Variants in PRMT7 observed in about 807,000 individuals in gnomAD.
The protein encoded by PRMT7 is protein arginine methyltransferase 7.
Under a neutral mutation model 85.4 loss-of-function variants are expected in PRMT7, and 75 were observed. That is an observed-to-expected ratio of 0.88 (90% CI 0.73 to 1.06). PRMT7 has a LOEUF of 1.06. Ranked by LOEUF, PRMT7 falls within the 50% of genes least tolerant of loss-of-function variation. The probability of loss-of-function intolerance (pLI) is 0.00; values close to 1 mark genes in which losing one functional copy is unlikely to be tolerated. For synonymous variants in PRMT7, 397 were observed against 359.5 expected, an observed-to-expected ratio of 1.10 and a Z score of -1.18; for missense variants, 868 against 915.2, an observed-to-expected ratio of 0.95 and a Z score of 0.67.
intron 11 of PRMT7, 80 bp from the exon 12 acceptor site, chr16:68,347,131 A>C: frequency 1.5e-6 from 2 of 1,312,906 alleles, no homozygotes; most frequent in Non-Finnish European, 2.1e-6. Flanking sequence ...TGAGAAGGGA[A>C]GTATTTCTGA....
downstream of PRMT7, chr16:68,360,516 C>G (rs1008650168): frequency 2.0e-5 from 3 of 152,682 alleles, no homozygotes; most frequent in Non-Finnish European, 4.4e-5. Flanking sequence ...GAGTGACTTA[C>G]AGACCCTGTG....
chr16:68,316,437 G>T (rs987639288), intron 3 of PRMT7, among the ~76,000 whole-genome samples: 11 of 149,708 alleles, frequency 7.3e-5, no homozygotes, highest in African/African-American at 1.7e-4. Flanking sequence ...AATGAAAATG[G>T]TTTTTTTTTT....
At position 68,357,287 on chromosome 16, in the gene PRMT7, G is replaced by C. The variant is rs1049979986; in HGVS notation, c.*63G>C. On this transcript the variant is annotated 3_prime_UTR_variant, in exon 19 of 19. Coordinates refer to ENST00000441236, the MANE Select transcript of PRMT7 (RefSeq NM_019023.5). ...TCTGAGTGGCTCATGGCTTTCTAGC[G>C]GGGAAGGCTGAAGGCCCTCCTCTCC... 6 of 1,498,454 alleles carry C rather than the reference G, an allele frequency of 4.0e-6. No homozygotes were observed. In the East Asian group the frequency reaches 1.4e-4, roughly 35 times the overall value. The allele number at this position is 1,498,454 out of a possible 1,614,324, so 92.8% of individuals were successfully genotyped here.
At position 68,324,699 on chromosome 16, in the gene PRMT7, A is replaced by G. The variant is rs1173466720; in HGVS notation, c.149A>G (p.Gln50Arg). ...CTTCCTTAGAATGTAAAATACTACC[A>G]AGGTATCCGGGCTGCCGTGAGCAGG... The part of the protein sequence containing the change: ...HDKDRNVKYY[Q>R]GIRAAVSRVK... The change falls in exon 5 of 19, where the codon CAA becomes CGA. Residue 50 changes from glutamine to arginine, a missense_variant. By Grantham distance (43) the Gln-to-Arg change is conservative. Transcript: ENST00000441236. 4 of 1,614,234 alleles carry G rather than the reference A, an allele frequency of 2.5e-6. No individual in the cohort carries two copies. The Admixed American group carries it at 5.0e-5, about 20-fold the overall frequency.
chr16:68,340,033 T>G (rs2151740443), intron 9 of PRMT7, 65 bp downstream of exon 9: 1 of 1,460,374 alleles, frequency 6.8e-7, no homozygotes, highest in South Asian at 1.3e-5. Flanking sequence ...CATGGGAAAG[T>G]AACAGTTGAG....
At chr16:68,314,094 A>T (rs1055836051) in intron 2 of PRMT7, among the ~76,000 whole-genome samples, 1 of 152,212 alleles carries the variant, frequency 6.6e-6, no homozygotes, top group Non-Finnish European at 1.5e-5. Flanking sequence ...GGTTATCAGA[A>T]AGTTTGAAAA....
At chr16:68,348,309 T>C in intron 13 of PRMT7, 33 bp from the exon 14 acceptor site, 1 of 1,496,210 alleles carries the variant, frequency 6.7e-7, no homozygotes, top group Non-Finnish European at 9.3e-7. Flanking sequence ...TACTTTAGTA[T>C]GAATACAGTA....
At chr16:68,332,758 G>A (rs755746924) in intron 6 of PRMT7, among the ~76,000 whole-genome samples, 15 of 152,142 alleles carry the variant, frequency 9.9e-5, no homozygotes, top group African/African-American at 3.4e-4. Flanking sequence ...CAAGACTGCC[G>A]TGCTCTGTGT....
intron 6 of PRMT7, among the ~76,000 whole-genome samples, chr16:68,337,115 T>C (rs909878251): frequency 3.3e-5 from 5 of 152,218 alleles, no homozygotes; most frequent in African/African-American, 1.2e-4. Flanking sequence ...CTCAAACTCC[T>C]GAACTCAATC....
At chr16:68,316,102 A>C in intron 3 of PRMT7, 28 bp downstream of exon 3, 1 of 1,595,138 alleles carries the variant, frequency 6.3e-7, no homozygotes, top group African/African-American at 1.3e-5. Context: ...AGCAGGCTGC[A>C]GCTGGGTGGG....
In PRMT7 at chr16:68,356,587, G is replaced by GGGCAGGA; in HGVS notation, c.1812-113_1812-107dup. 3 of 753,360 alleles carry GGGCAGGA rather than the reference G, an allele frequency of 4.0e-6. No homozygotes were observed. The South Asian group carries it at 5.2e-5, about 13-fold the overall frequency. 46.7% of individuals were successfully genotyped at this position (753,360 alleles called of 1,614,324 possible). On this transcript the variant is annotated intron_variant, in intron 17 of 18. Transcript: ENST00000441236. ...ACTGCAGCACTAGGAACTCCCGGCA[G>GGGCAGGA]GGCAGGAAGGAAGTGGGGAAGACCA...
rs573417672 is a variant in PRMT7, at chr16:68,328,451, G to A, written c.283-615G>A. 1.9e-4 allele frequency: 28 copies of A among 149,668 alleles called. No homozygotes were observed. In the East Asian group the frequency reaches 4.7e-3, roughly 25 times the overall value. The allele number at this position is 149,668 out of a possible 1,614,324, so 9.3% of individuals were successfully genotyped here. The stretch of plus-strand genomic sequence containing the variant: ...GTCTTTCCTCAGCCTCTCAGCTCCC[G>A]TGGCCTGTTGGGGTAGGTTTGCATA... On this transcript the variant is annotated intron_variant, in intron 5 of 18. Coordinates refer to ENST00000441236, the MANE Select transcript of PRMT7 (RefSeq NM_019023.5).
At chr16:68,348,210 A>C (rs2086692408) in intron 13 of PRMT7, 132 bp from the exon 14 acceptor site, 1 of 735,232 alleles carries the variant, frequency 1.4e-6, no homozygotes, top group South Asian at 1.8e-5. Flanking sequence ...TCCACAAAGC[A>C]GATAAAAGTG....
intron 9 of PRMT7, 129 bp from the exon 10 acceptor site, chr16:68,345,546 C>T: frequency 7.3e-7 from 1 of 1,364,692 alleles, no homozygotes; most frequent in Admixed American, 1.9e-5. Context: ...TCTCCTTGGC[C>T]ACAATAGCCA....
At chr16:68,354,604 T>G (rs915735805) in intron 16 of PRMT7, 5 of 152,334 alleles carry the variant, frequency 3.3e-5, no homozygotes, top group Admixed American at 3.3e-4. Flanking sequence ...GACCATTGAC[T>G]GTTCGATGCT....
chr16:68,335,095 C>T (rs1385769233), intron 6 of PRMT7, among the ~76,000 whole-genome samples: 1 of 152,156 alleles, frequency 6.6e-6, no homozygotes, highest in African/African-American at 2.4e-5. Context: ...CTGTGCCTGG[C>T]TCTTGATTTT....
chr16:68,313,851 C>CT (rs2044309444), intron 2 of PRMT7, among the ~76,000 whole-genome samples: 1 of 152,160 alleles, frequency 6.6e-6, no homozygotes, highest in Non-Finnish European at 1.5e-5. Flanking sequence ...AGGAGGATCG[C>CT]TTGAGTCCAG....
intron 15 of PRMT7, 151 bp from the exon 16 acceptor site, chr16:68,353,341 C>T (rs1365701875): frequency 1.9e-5 from 27 of 1,458,424 alleles, no homozygotes; most frequent in East Asian, 1.4e-4. Context: ...TTACAGAAAC[C>T]GTTGTGGATC....
chr16:68,347,605 A>G, intron 12 of PRMT7, 26 bp from the exon 13 acceptor site: 1 of 1,607,388 alleles, frequency 6.2e-7, no homozygotes, highest in Non-Finnish European at 8.5e-7. Flanking sequence ...AATATCTTAC[A>G]ACTAATAGCG....
Sources: gnomAD v4.1 joint callset for allele counts (sites outside exome capture counted in the v4.1 genomes callset) on GRCh38, gnomAD v4.1.1 for gene constraint, MANE v1.5 for transcripts, NCBI Gene and HGNC (gene_info 2026-07-23, HGNC 2026-07-21) for gene names.